Variants in CELF5 observed in about 807,000 individuals in gnomAD.
The protein encoded by CELF5 is CUG-BP and ETR-3 like factor 5.
A neutral mutation model predicts 54.9 loss-of-function variants in CELF5; 6 were observed. That is an observed-to-expected ratio of 0.11 (90% CI 0.06 to 0.22). CELF5 has a LOEUF of 0.22. Ranked by LOEUF, CELF5 falls within the 10% of genes least tolerant of loss-of-function variation. The pLI is 1.00. For synonymous variants in CELF5, 271 were observed against 290.9 expected (o/e 0.93, Z 0.70); for missense variants, 401 against 678.6 (o/e 0.59, Z 4.54).
At position 3,284,976 on chromosome 19, in the gene CELF5, C is replaced by A; in HGVS notation, c.1102+12C>A. ...CCAGCAGTACACAGGTAGGAGGCAG[C>A]CCGCGTGCCCGCGCTGGGCCCTGGC... is the stretch of plus-strand genomic sequence containing the variant. On this transcript the variant is annotated intron_variant, in intron 9 of 12. Transcript: ENST00000292672. 7 of 1,575,152 alleles carry A rather than the reference C, an allele frequency of 4.4e-6. No homozygotes were observed. Among genetic ancestry groups the A allele is most frequent in the Non-Finnish European group, 6.1e-6 (7 of 1,150,164 alleles).
At position 3,260,683 on chromosome 19, in the gene CELF5, C is replaced by T. The variant is rs1319638063; in HGVS notation, c.342+9616C>T. On this transcript the variant is annotated intron_variant, in intron 2 of 12. Transcript: ENST00000292672. ...TGTCGCCCAGGCTGGAGTGCAGTGG[C>T]GTGATCTTGGCTCACTGCAAGCTCC... 5.5e-5 allele frequency among the ~76,000 whole-genome samples: 8 copies of T among 145,666 alleles called. No individual in the cohort carries two copies. In the South Asian group the frequency reaches 8.7e-4, roughly 16 times the overall value.
At chr19:3,274,754 G>C (rs1014841809) in intron 3 of CELF5, among the ~76,000 whole-genome samples, 14 of 152,116 alleles carry the variant, frequency 9.2e-5, no homozygotes, top group African/African-American at 2.9e-4. Context: ...CATGGAGCAG[G>C]AGTGTTAGGA....
At chr19:3,267,677 C>A (rs1203142411) in intron 2 of CELF5, among the ~76,000 whole-genome samples, 1 of 152,174 alleles carries the variant, frequency 6.6e-6, no homozygotes, top group Non-Finnish European at 1.5e-5. Context: ...ATCCCAGCAC[C>A]CTCAGCCACC....
In CELF5 at chr19:3,293,506, C is replaced by T; in HGVS notation, c.*40+20C>T. 1 of 1,583,628 alleles carries T rather than the reference C, an allele frequency of 6.3e-7. No homozygotes were observed. Among genetic ancestry groups the T allele is most frequent in the South Asian group, 1.1e-5 (1 of 88,514 alleles). On this transcript the variant is annotated intron_variant, in intron 12 of 12. Transcript: ENST00000292672. ...GCCCAGGTGAGCCGCCAGGCGGCCCCACCCCCGCCCAAGCCCCCCGTCTTG... is the reference window on the plus strand; with the variant it reads ...GCCCAGGTGAGCCGCCAGGCGGCCCTACCCCCGCCCAAGCCCCCCGTCTTG...
At chr19:3,272,696 C>A (rs755441000) in intron 2 of CELF5, among the ~76,000 whole-genome samples, 1 of 152,130 alleles carries the variant, frequency 6.6e-6, no homozygotes, top group Non-Finnish European at 1.5e-5. Context: ...AGAGACAGAG[C>A]AAGACATAGA....
chr19:3,232,311 T>C (rs757996251), intron 1 of CELF5, among the ~76,000 whole-genome samples: 10 of 152,150 alleles, frequency 6.6e-5, no homozygotes, highest in Non-Finnish European at 1.5e-4. Context: ...TCCCATTGCT[T>C]TGGGAGGTTG....
chr19:3,284,872 GC>G, intron 8 of CELF5, 29 bp from the exon 9 acceptor site: 1 of 1,606,072 alleles, frequency 6.2e-7, no homozygotes, highest in Middle Eastern at 1.7e-4. Flanking sequence ...TGCTGCTCCC[GC>G]CCCACTCAGC....
intron 12 of CELF5, chr19:3,296,434 G>GAAAAAAAAAAAAAAAAAAAAAAAAAAAAA (rs5826810): frequency 1.1e-3 from 62 of 54,838 alleles, no homozygotes; most frequent in Non-Finnish European, 1.3e-3. Flanking sequence ...AAACCACACA[G>GAAAAAAAAAAAAAAAAAAAAAAAAAAAAA]AAAAAAAAAA....
chr19:3,264,455 A>G (rs536403999), intron 2 of CELF5, among the ~76,000 whole-genome samples: 4 of 149,426 alleles, frequency 2.7e-5, no homozygotes, highest in Admixed American at 6.7e-5. Context: ...TTGCTGTGTC[A>G]CCCAGGCTGG....
chr19:3,257,821 ATTT>A (rs2079752553), intron 2 of CELF5, among the ~76,000 whole-genome samples: 2 of 134,910 alleles, frequency 1.5e-5, no homozygotes, highest in African/African-American at 5.4e-5. Context: ...TTATTTATTT[ATTT>A]ATTTATTTAT....
chr19:3,274,753 G>T (rs1259177271), intron 3 of CELF5, among the ~76,000 whole-genome samples: 1 of 152,164 alleles, frequency 6.6e-6, no homozygotes, highest in Non-Finnish European at 1.5e-5. Context: ...GCATGGAGCA[G>T]GAGTGTTAGG....
At chr19:3,258,633 A>G (rs2079765152) in intron 2 of CELF5, among the ~76,000 whole-genome samples, 1 of 151,988 alleles carries the variant, frequency 6.6e-6, no homozygotes, top group Admixed American at 6.6e-5. Context: ...TTTTTTAGAG[A>G]CAGGGTCTTG....
chr19:3,246,653 C>T (rs1210327903), intron 1 of CELF5, among the ~76,000 whole-genome samples: 1 of 152,030 alleles, frequency 6.6e-6, no homozygotes, highest in Non-Finnish European at 1.5e-5. Context: ...GTGGAAGCTG[C>T]AGTGAGCTGT....
intron 2 of CELF5, among the ~76,000 whole-genome samples, chr19:3,264,219 G>A (rs879555433): frequency 6.6e-6 from 1 of 151,670 alleles, no homozygotes; most frequent in South Asian, 2.1e-4. Flanking sequence ...GACCAGCCTG[G>A]GCAACATAGT....
intron 10 of CELF5, among the ~76,000 whole-genome samples, chr19:3,289,680 T>TCAA (rs2080310736): frequency 1.0e-4 from 1 of 9,804 alleles, no homozygotes; most frequent in Non-Finnish European, 1.9e-4. Context: ...AGACTCCATC[T>TCAA]CAAAAAAAAA....
intron 1 of CELF5, among the ~76,000 whole-genome samples, chr19:3,235,891 G>A (rs1163713009): frequency 6.6e-6 from 1 of 151,800 alleles, no homozygotes; most frequent in African/African-American, 2.4e-5. Flanking sequence ...ATTGGATGAT[G>A]GACAAGTGGA....
At chr19:3,288,504 A>G (rs1294138741) in intron 10 of CELF5, among the ~76,000 whole-genome samples, 1 of 151,734 alleles carries the variant, frequency 6.6e-6, no homozygotes, top group Non-Finnish European at 1.5e-5. Flanking sequence ...CCTGGGCAAC[A>G]AAAGCAAAAC....
intron 1 of CELF5, among the ~76,000 whole-genome samples, chr19:3,229,686 G>A (rs905465945): frequency 2.0e-5 from 3 of 152,202 alleles, no homozygotes; most frequent in African/African-American, 7.2e-5. Context: ...GAACAGAAGA[G>A]GCTGTTGGCA....
At chr19:3,226,952 C>T (rs902593436) in intron 1 of CELF5, among the ~76,000 whole-genome samples, 1 of 151,914 alleles carries the variant, frequency 6.6e-6, no homozygotes, top group Non-Finnish European at 1.5e-5. Context: ...ATGTTGGGGT[C>T]CCTGGGGTAC....
Sources: allele counts gnomAD v4.1 joint callset (sites outside exome capture counted in the v4.1 genomes callset), GRCh38; gene constraint gnomAD v4.1.1; transcripts MANE v1.5; gene names NCBI Gene and HGNC (gene_info 2026-07-23, HGNC 2026-07-21).